The following NAALADL2 variants were observed in gnomAD, a reference collection of about 807,000 sequenced individuals.
NAALADL2 encodes the protein inactive N-acetylated-alpha-linked acidic dipeptidase-like protein 2.
A neutral mutation model predicts 87.2 loss-of-function variants in NAALADL2; 76 were observed. The ratio of observed to expected loss-of-function variants is 0.87; its 90% CI spans 0.72 to 1.05. The LOEUF (loss-of-function observed/expected upper bound fraction) is 1.05, where lower values mean the gene tolerates loss of function less well. Ranked by LOEUF, NAALADL2 falls within the 50% of genes least tolerant of loss-of-function variation. The pLI is 0.00. For synonymous variants in NAALADL2, 354 were observed against 331.0 expected (o/e 1.07, Z -0.75); for missense variants, 1,089 against 945.8 (o/e 1.15, Z -1.99).
intron 1 of NAALADL2, among the ~76,000 whole-genome samples, chr3:175,012,252 C>T (rs994106721): frequency 3.9e-5 from 6 of 152,158 alleles, no homozygotes; most frequent in Non-Finnish European, 8.8e-5. Context: ...GCAACCTCCA[C>T]CTCCCGGGTT....
At chr3:175,434,253 C>T (rs932265997) in intron 5 of NAALADL2, among the ~76,000 whole-genome samples, 10 of 151,876 alleles carry the variant, frequency 6.6e-5, no homozygotes, top group African/African-American at 1.7e-4. Flanking sequence ...AAATTAATGT[C>T]AAGAAAATGC....
chr3:175,713,941 T>C (rs1016096561), intron 11 of NAALADL2, among the ~76,000 whole-genome samples: 3 of 152,190 alleles, frequency 2.0e-5, no homozygotes, highest in African/African-American at 7.2e-5. Flanking sequence ...TCATGTGTTC[T>C]CATTGTTCAA....
At chr3:174,688,980 TG>T (rs1454371279) in intron 2 of NAALADL2, among the ~76,000 whole-genome samples, 1 of 152,006 alleles carries the variant, frequency 6.6e-6, no homozygotes, top group East Asian at 1.9e-4. Flanking sequence ...AATCTTCATC[TG>T]TAAATAGGTT....
chr3:175,658,613 C>G (rs1731822479), intron 11 of NAALADL2, among the ~76,000 whole-genome samples: 1 of 152,074 alleles, frequency 6.6e-6, no homozygotes, highest in Admixed American at 6.6e-5. Context: ...AATCAGTTCT[C>G]CTAACCCAGA....
chr3:175,249,724 C>G (rs1467772712), intron 3 of NAALADL2, among the ~76,000 whole-genome samples: 2 of 152,100 alleles, frequency 1.3e-5, no homozygotes, highest in Non-Finnish European at 2.9e-5. Flanking sequence ...AATATACATT[C>G]TAGGGCCCCT....
chr3:175,631,943 A>G (rs557225067), intron 11 of NAALADL2, among the ~76,000 whole-genome samples: 89 of 152,220 alleles, frequency 5.8e-4, no homozygotes, highest in Non-Finnish European at 1.0e-3. Context: ...GACACTTGCA[A>G]TACCAAAATG....
chr3:175,537,120 G>A (rs1734928410), intron 9 of NAALADL2, among the ~76,000 whole-genome samples: 1 of 152,202 alleles, frequency 6.6e-6, no homozygotes, highest in Admixed American at 6.5e-5. Flanking sequence ...TCCTTTTAGA[G>A]AAGAAGAAAC....
chr3:174,770,498 C>T (rs1371503334), intron 3 of NAALADL2, among the ~76,000 whole-genome samples: 3 of 152,024 alleles, frequency 2.0e-5, no homozygotes, highest in South Asian at 2.1e-4. Flanking sequence ...ATGCAAAATG[C>T]GAGCTAACAT....
In NAALADL2 at chr3:175,241,124, G is replaced by A. The variant is rs185723696; in HGVS notation, c.819+6920G>A. ...TTTTTAAATCTGCATACAGTCCCTTGGTCCAGTGTGACCTTCTGTTTCTCA... is the reference window on the plus strand; with the variant it reads ...TTTTTAAATCTGCATACAGTCCCTTAGTCCAGTGTGACCTTCTGTTTCTCA... On this transcript the variant is annotated intron_variant, in intron 3 of 13. Coordinates refer to ENST00000454872, the MANE Select transcript of NAALADL2 (RefSeq NM_207015.3). Among the ~76,000 whole-genome samples, 191 of 152,176 alleles carry A rather than the reference G, an allele frequency of 1.3e-3. 1 individual carries two copies. Among genetic ancestry groups the A allele is most frequent in the Middle Eastern group, 6.8e-3 (2 of 294 alleles).
intron 3 of NAALADL2, among the ~76,000 whole-genome samples, chr3:174,834,421 T>C (rs557811041): frequency 6.6e-6 from 1 of 151,094 alleles, no homozygotes; most frequent in African/African-American, 2.4e-5. Context: ...TCTCTCAATT[T>C]CTGTCTAACG....
At chr3:174,467,450 G>A (rs898070794) in intron 1 of NAALADL2, among the ~76,000 whole-genome samples, 13 of 151,938 alleles carry the variant, frequency 8.6e-5, no homozygotes, top group South Asian at 2.1e-4. Context: ...AAAATTAGCC[G>A]GGTGTGGTGG....
At chr3:174,473,334 C>T (rs1331878699) in intron 1 of NAALADL2, among the ~76,000 whole-genome samples, 1 of 152,180 alleles carries the variant, frequency 6.6e-6, no homozygotes, top group Non-Finnish European at 1.5e-5. Context: ...TGCTTAACTA[C>T]ATCAACCCTA....
At chr3:174,641,017 C>T (rs142379891) in intron 2 of NAALADL2, among the ~76,000 whole-genome samples, 3 of 152,314 alleles carry the variant, frequency 2.0e-5, no homozygotes, top group African/African-American at 7.2e-5. Flanking sequence ...CGAGGATGGG[C>T]GCCCCAAAGG....
At chr3:174,884,617 A>G (rs145304476) in intron 1 of NAALADL2, among the ~76,000 whole-genome samples, 1 of 152,312 alleles carries the variant, frequency 6.6e-6, no homozygotes, top group African/African-American at 2.4e-5. Flanking sequence ...CATATCTGGA[A>G]TAAGTGTCTA....
At chr3:175,631,802 A>T (rs1254312125) in intron 11 of NAALADL2, among the ~76,000 whole-genome samples, 1 of 151,952 alleles carries the variant, frequency 6.6e-6, no homozygotes, top group Non-Finnish European at 1.5e-5. Flanking sequence ...CATGTTTTTA[A>T]ATAGGCTTAT....
At chr3:175,116,927 G>A (rs1315691101) in intron 2 of NAALADL2, among the ~76,000 whole-genome samples, 1 of 151,948 alleles carries the variant, frequency 6.6e-6, no homozygotes, top group Non-Finnish European at 1.5e-5. Flanking sequence ...TTGAAGAATG[G>A]ATCAGAATAA....
rs552640825 is a variant in NAALADL2, at chr3:174,830,715, G to A, written c.-9+92969G>A. On this transcript the variant is annotated intron_variant, in intron 3 of 3. Transcript: ENST00000434257. ...CCTTGGGCAGTATGGCCATTTTCAC[G>A]ATATTGATTCTTCCTACCCATGAGC... 2.1e-3 allele frequency among the ~76,000 whole-genome samples: 318 copies of A among 152,138 alleles called. 2 individuals carry two copies. The highest frequency in any genetic ancestry group is 0.018 in the Admixed American group (273 of 15,276).
intron 1 of NAALADL2, among the ~76,000 whole-genome samples, chr3:174,966,921 A>T (rs1742959601): frequency 6.6e-6 from 1 of 152,204 alleles, no homozygotes; most frequent in Non-Finnish European, 1.5e-5. Flanking sequence ...AAGGAAAATA[A>T]GTGACATAAA....
chr3:174,876,363 A>G (rs1221148612), intron 1 of NAALADL2, among the ~76,000 whole-genome samples: 1 of 152,106 alleles, frequency 6.6e-6, no homozygotes. Flanking sequence ...CCTTTCTTCC[A>G]TGGCTAACCA....
Sources: gnomAD v4.1 joint callset for allele counts (sites outside exome capture counted in the v4.1 genomes callset) on GRCh38, gnomAD v4.1.1 for gene constraint, MANE v1.5 for transcripts, NCBI Gene and HGNC (gene_info 2026-07-23, HGNC 2026-07-21) for gene names.